GRM5: variants seen among roughly 807,000 people sequenced by gnomAD.
GRM5 encodes the protein metabotropic glutamate receptor 5.
In GRM5, 19 loss-of-function variants were observed where a neutral mutation model predicts 83.1. The ratio of observed to expected loss-of-function variants is 0.23; its 90% CI spans 0.16 to 0.34. The LOEUF is 0.34. GRM5 is among the 10% of genes least tolerant of loss of function. The probability of loss-of-function intolerance (pLI) is 1.00; values close to 1 mark genes in which losing one functional copy is unlikely to be tolerated. For synonymous variants in GRM5, 675 were observed against 633.6 expected, an observed-to-expected ratio of 1.07 and a Z score of -0.98; for missense variants, 1,160 against 1,588.3, an observed-to-expected ratio of 0.73 and a Z score of 4.58.
At chr11:88,822,916 A>T (rs1260948147) in intron 3 of GRM5, among the ~76,000 whole-genome samples, 1 of 152,038 alleles carries the variant, frequency 6.6e-6, no homozygotes, top group Admixed American at 6.6e-5. Context: ...AATAGTTTTC[A>T]ACCATCCAGG....
intron 2 of GRM5, among the ~76,000 whole-genome samples, chr11:88,943,050 T>C (rs1323181794): frequency 1.3e-5 from 2 of 152,042 alleles, no homozygotes; most frequent in Non-Finnish European, 2.9e-5. Flanking sequence ...GAGTACATTA[T>C]TGCTGTTGTT....
At chr11:88,834,213 A>C (rs891183176) in intron 3 of GRM5, among the ~76,000 whole-genome samples, 1 of 152,206 alleles carries the variant, frequency 6.6e-6, no homozygotes, top group South Asian at 2.1e-4. Flanking sequence ...TGACTGTAAA[A>C]AAAAATCATG....
At chr11:88,841,539 C>A (rs1944201332) in intron 3 of GRM5, among the ~76,000 whole-genome samples, 1 of 152,146 alleles carries the variant, frequency 6.6e-6, no homozygotes, top group African/African-American at 2.4e-5. Context: ...GGTATTTCCC[C>A]AGAAGAGCAA....
intron 3 of GRM5, among the ~76,000 whole-genome samples, chr11:88,751,903 C>G (rs897935520): frequency 2.0e-5 from 3 of 152,066 alleles, no homozygotes; most frequent in Non-Finnish European, 4.4e-5. Flanking sequence ...ATCCAACATC[C>G]CTTCATATTA....
chr11:89,036,108 C>T (rs1941378173), intron 2 of GRM5, among the ~76,000 whole-genome samples: 1 of 152,050 alleles, frequency 6.6e-6, no homozygotes, highest in African/African-American at 2.4e-5. Flanking sequence ...CATCTTTAAT[C>T]CCCTCTAGTT....
chr11:89,021,582 C>T (rs1186580020), intron 2 of GRM5, among the ~76,000 whole-genome samples: 2 of 152,124 alleles, frequency 1.3e-5, no homozygotes, highest in South Asian at 2.1e-4. Context: ...GCAGTCAGTA[C>T]TAAAAAACTG....
chr11:88,936,658 A>G (rs1184365596), intron 2 of GRM5, among the ~76,000 whole-genome samples: 3 of 152,030 alleles, frequency 2.0e-5, no homozygotes, highest in East Asian at 3.9e-4. Flanking sequence ...ATAAAAAGCT[A>G]AGTTTAAAAT....
At chr11:88,616,544 T>C (rs1303066368) in intron 4 of GRM5, among the ~76,000 whole-genome samples, 1 of 151,968 alleles carries the variant, frequency 6.6e-6, no homozygotes. Flanking sequence ...TTATGGTAGC[T>C]TAGTCCGGGG....
At chr11:88,771,425 C>A (rs1942734476) in intron 3 of GRM5, among the ~76,000 whole-genome samples, 1 of 152,078 alleles carries the variant, frequency 6.6e-6, no homozygotes, top group Non-Finnish European at 1.5e-5. Flanking sequence ...CCTAGCAACC[C>A]ACTGGTGTAA....
At chr11:88,837,781 C>T (rs966963376) in intron 3 of GRM5, among the ~76,000 whole-genome samples, 5 of 152,078 alleles carry the variant, frequency 3.3e-5, no homozygotes, top group African/African-American at 9.7e-5. Context: ...GCAGAGTTGC[C>T]TTTAAAGACA....
intron 2 of GRM5, among the ~76,000 whole-genome samples, chr11:88,872,069 C>A (rs12272485): frequency 0.026 from 3,866 of 151,530 alleles, 176 homozygotes; most frequent in African/African-American, 0.089. Flanking sequence ...GAAAAACCTA[C>A]ATTTTTAGTG....
At chr11:88,916,008 TATAAG>T (rs1317427812) in intron 2 of GRM5, among the ~76,000 whole-genome samples, 3 of 152,294 alleles carry the variant, frequency 2.0e-5, no homozygotes, top group South Asian at 2.1e-4. Context: ...ATAAATTTCT[TATAAG>T]ATAAGATAAT....
chr11:88,521,304 C>A (rs1276048830), intron 9 of GRM5, among the ~76,000 whole-genome samples: 3 of 152,078 alleles, frequency 2.0e-5, no homozygotes, highest in Non-Finnish European at 4.4e-5. Flanking sequence ...GTAATCCCAG[C>A]TACTCAGGAG....
chr11:88,541,364 A>G (rs1591334592), intron 8 of GRM5, among the ~76,000 whole-genome samples: 1 of 152,352 alleles, frequency 6.6e-6, no homozygotes, highest in African/African-American at 2.4e-5. Flanking sequence ...ATCATGTCAG[A>G]GTGTGATAAG....
At chr11:88,687,229 C>A (rs1047856030) in intron 3 of GRM5, among the ~76,000 whole-genome samples, 4 of 151,618 alleles carry the variant, frequency 2.6e-5, no homozygotes, top group African/African-American at 9.7e-5. Flanking sequence ...AATCCCAGCA[C>A]TTTGAGAGGC....
chr11:88,622,203 A>C (rs1938657704), intron 4 of GRM5, among the ~76,000 whole-genome samples: 1 of 152,248 alleles, frequency 6.6e-6, no homozygotes, highest in South Asian at 2.1e-4. Flanking sequence ...CAGGTGCTAC[A>C]TTCTAGATGC....
intron 4 of GRM5, among the ~76,000 whole-genome samples, chr11:88,632,889 A>G (rs1369406365): frequency 2.6e-5 from 4 of 152,224 alleles, no homozygotes; most frequent in African/African-American, 9.6e-5. Context: ...ATAAGTGCAT[A>G]GTGTTATCTT....
At chr11:88,698,926 T>C (rs1203326125) in intron 3 of GRM5, among the ~76,000 whole-genome samples, 1 of 152,204 alleles carries the variant, frequency 6.6e-6, no homozygotes, top group Non-Finnish European at 1.5e-5. Context: ...ACAACCATCT[T>C]CCTTGAGATC....
At chr11:89,056,196 T>G (rs1941870251) in intron 1 of GRM5, among the ~76,000 whole-genome samples, 1 of 152,198 alleles carries the variant, frequency 6.6e-6, no homozygotes, top group Admixed American at 6.5e-5. Flanking sequence ...GCATAAATGT[T>G]TCTCCTGGTT....
Sources: gnomAD v4.1 joint callset for allele counts (sites outside exome capture counted in the v4.1 genomes callset) on GRCh38, gnomAD v4.1.1 for gene constraint, MANE v1.5 for transcripts, NCBI Gene and HGNC (gene_info 2026-07-23, HGNC 2026-07-21) for gene names.